The following ZFAND3 variants were observed in gnomAD, a reference collection of about 807,000 sequenced individuals.
ZFAND3 encodes the protein AN1-type zinc finger protein 3.
A neutral mutation model predicts 29.6 loss-of-function variants in ZFAND3; 10 were observed. That is an observed-to-expected ratio of 0.34 (90% CI 0.21 to 0.57). The LOEUF (loss-of-function observed/expected upper bound fraction) is 0.57, where lower values mean the gene tolerates loss of function less well. Among genes scored for constraint, ZFAND3 ranks in the 20% least tolerant of loss-of-function variants. The probability of loss-of-function intolerance (pLI) is 0.86; values close to 1 mark genes in which losing one functional copy is unlikely to be tolerated. For synonymous variants in ZFAND3, 128 were observed against 112.6 expected (o/e 1.14, Z -0.87); for missense variants, 230 against 304.5 (o/e 0.76, Z 1.82).
intron 2 of ZFAND3, among the ~76,000 whole-genome samples, chr6:37,972,045 G>GA (rs55728907): frequency 0.068 from 10,356 of 151,604 alleles, 430 homozygotes; most frequent in Non-Finnish European, 0.087. Flanking sequence ...AGGAGGGAAA[G>GA]AAAAAAAATG....
chr6:38,086,889 C>A (rs576477337), intron 4 of ZFAND3, among the ~76,000 whole-genome samples: 5 of 152,052 alleles, frequency 3.3e-5, no homozygotes, highest in Non-Finnish European at 7.4e-5. Flanking sequence ...ACAAAGCTAT[C>A]GTAAGCAAAA....
chr6:37,863,346 G>A (rs541226634), intron 1 of ZFAND3, among the ~76,000 whole-genome samples: 33 of 152,306 alleles, frequency 2.2e-4, no homozygotes, highest in South Asian at 8.3e-4. Flanking sequence ...GTCTCATTAG[G>A]TGGAAAGAAA....
intron 2 of ZFAND3, among the ~76,000 whole-genome samples, chr6:37,962,962 T>A (rs1316655156): frequency 6.6e-6 from 1 of 150,894 alleles, no homozygotes; most frequent in Non-Finnish European, 1.5e-5. Context: ...GCACCACCTT[T>A]AAGATCTACA....
chr6:37,841,575 C>T (rs1764076487), intron 1 of ZFAND3, among the ~76,000 whole-genome samples: 1 of 152,138 alleles, frequency 6.6e-6, no homozygotes, highest in South Asian at 2.1e-4. Flanking sequence ...GCTCTGCCTC[C>T]CGGGTTCACG....
intron 2 of ZFAND3, among the ~76,000 whole-genome samples, chr6:38,060,885 A>T (rs2127463308): frequency 6.6e-6 from 1 of 152,304 alleles, no homozygotes; most frequent in Admixed American, 6.5e-5. Context: ...GCACTGCAGA[A>T]CCATCGTATA....
intron 1 of ZFAND3, among the ~76,000 whole-genome samples, chr6:37,842,447 T>C (rs545877425): frequency 3.6e-4 from 55 of 152,336 alleles, no homozygotes; most frequent in Non-Finnish European, 7.2e-4. Context: ...TTTGACACAG[T>C]GTAATGTTTT....
At chr6:37,874,779 T>C (rs1449987064) in intron 1 of ZFAND3, among the ~76,000 whole-genome samples, 2 of 152,226 alleles carry the variant, frequency 1.3e-5, no homozygotes, top group Admixed American at 1.3e-4. Context: ...TCTCGTTTTG[T>C]TGCCCAGGCT....
chr6:38,068,574 G>A (rs767265084), intron 3 of ZFAND3, among the ~76,000 whole-genome samples: 2 of 152,136 alleles, frequency 1.3e-5, no homozygotes, highest in Non-Finnish European at 2.9e-5. Context: ...ATGAAAAAGG[G>A]AGGTTTAGAT....
intron 2 of ZFAND3, among the ~76,000 whole-genome samples, chr6:38,046,759 T>G (rs1763911903): frequency 6.6e-6 from 1 of 152,226 alleles, no homozygotes; most frequent in Non-Finnish European, 1.5e-5. Flanking sequence ...TATCTGATAT[T>G]TTATAAAGAA....
chr6:37,862,243 T>C (rs1284477428), intron 1 of ZFAND3, among the ~76,000 whole-genome samples: 1 of 152,168 alleles, frequency 6.6e-6, no homozygotes, highest in Non-Finnish European at 1.5e-5. Context: ...GCAAAGTTCT[T>C]GCACTGCCAA....
At chr6:38,085,199 T>C (rs1229083412) in intron 4 of ZFAND3, among the ~76,000 whole-genome samples, 1 of 152,244 alleles carries the variant, frequency 6.6e-6, no homozygotes, top group Non-Finnish European at 1.5e-5. Flanking sequence ...CTATGACATG[T>C]GCTGTACAGT....
chr6:37,921,410 A>T (rs1052518649), intron 1 of ZFAND3, among the ~76,000 whole-genome samples: 1 of 151,112 alleles, frequency 6.6e-6, no homozygotes, highest in African/African-American at 2.4e-5. Context: ...CTTGTGCCCT[A>T]GGTTTTTCCT....
chr6:38,069,479 G>T (rs1581891215), intron 3 of ZFAND3, among the ~76,000 whole-genome samples: 2 of 152,154 alleles, frequency 1.3e-5, no homozygotes, highest in African/African-American at 4.8e-5. Flanking sequence ...AATGAAGAAT[G>T]CCCAAACTTT....
At chr6:37,986,913 A>G (rs1762681065) in intron 2 of ZFAND3, among the ~76,000 whole-genome samples, 1 of 152,226 alleles carries the variant, frequency 6.6e-6, no homozygotes, top group Admixed American at 6.5e-5. Context: ...TAGAATGTTT[A>G]CTAAATGTTC....
rs143876414 is a variant in ZFAND3 at position 37,987,428 on chromosome 6, A to G, written c.112+57429A>G. The stretch of plus-strand genomic sequence containing the variant: ...GTAGTAGGCATAGAATTCATTTTAT[A>G]GAAACTTTAGACCCTGGAGTGAATT... On this transcript the variant is annotated intron_variant, in intron 2 of 5. Coordinates refer to ENST00000287218, the MANE Select transcript of ZFAND3 (RefSeq NM_021943.3). Among the ~76,000 whole-genome samples, 61 of 152,370 alleles carry G rather than the reference A, an allele frequency of 4.0e-4. No individual in the cohort carries two copies. The East Asian group carries it at 0.011, about 28-fold the overall frequency.
intron 1 of ZFAND3, among the ~76,000 whole-genome samples, chr6:37,862,355 C>G (rs987157673): frequency 1.3e-5 from 2 of 151,998 alleles, no homozygotes; most frequent in African/African-American, 4.8e-5. Flanking sequence ...TTGATATTTT[C>G]ATAGTCTTTT....
intron 2 of ZFAND3, among the ~76,000 whole-genome samples, chr6:37,958,690 C>G (rs150395944): frequency 6.6e-6 from 1 of 152,010 alleles, no homozygotes; most frequent in African/African-American, 2.4e-5. Context: ...CCTTTTCTTC[C>G]ACACTTAAGA....
chr6:37,884,107 T>A lies in ZFAND3; in HGVS notation c.72-45852T>A, dbSNP rs1764946492. On this transcript the variant is annotated intron_variant, in intron 1 of 5. Transcript: ENST00000287218. ...AACTTGATCACATGGAAGTGGGAGA[T>A]TAGAATGGTTTTGATATTGTTTGAG... Among the ~76,000 whole-genome samples the A allele has an allele frequency of 1.4e-5, 2 of 145,100 alleles. 1 individual carries two copies. The highest frequency in any genetic ancestry group is 5.6e-5 in the African/African-American group (2 of 35,922).
Position 38,036,717 on chromosome 6 carries a change from G to A in ZFAND3, c.113-24876G>A, listed in dbSNP as rs567561266. On this transcript the variant is annotated intron_variant, in intron 2 of 5. Coordinates refer to ENST00000287218, the MANE Select transcript of ZFAND3 (RefSeq NM_021943.3). Reference sequence around the variant, plus strand: ...GAGACTTAAGAAACTAACTTGACAAGCATGTTTTTAACATGTAAATACTAA... The same window carrying A: ...GAGACTTAAGAAACTAACTTGACAAACATGTTTTTAACATGTAAATACTAA... Among the ~76,000 whole-genome samples the A allele has an allele frequency of 2.6e-5, 4 of 152,178 alleles. No homozygotes were observed. In the South Asian group the frequency reaches 6.2e-4, roughly 24 times the overall value.
Sources: allele counts gnomAD v4.1 joint callset (sites outside exome capture counted in the v4.1 genomes callset), GRCh38; gene constraint gnomAD v4.1.1; transcripts MANE v1.5; gene names NCBI Gene and HGNC (gene_info 2026-07-23, HGNC 2026-07-21).